Variants in RTTN observed in about 807,000 individuals in gnomAD.
RTTN encodes rotatin.
Under a neutral mutation model 269.2 loss-of-function variants are expected in RTTN, and 182 were observed. The observed-to-expected ratio is 0.68, with a 90% CI of 0.60 to 0.76. The LOEUF (loss-of-function observed/expected upper bound fraction) is 0.76, where lower values mean the gene tolerates loss of function less well. Ranked by LOEUF, RTTN falls within the 30% of genes least tolerant of loss-of-function variation. The probability of loss-of-function intolerance (pLI) is 0.00; values close to 1 mark genes in which losing one functional copy is unlikely to be tolerated. For missense variants in RTTN, 2,545 were observed against 2,608.6 expected, an observed-to-expected ratio of 0.98 and a Z score of 0.53; for synonymous variants, 1,006 against 963.5, an observed-to-expected ratio of 1.04 and a Z score of -0.82.
chr18:70,087,719 T>C (rs2058737636), intron 31 of RTTN, among the ~76,000 whole-genome samples: 1 of 152,190 alleles, frequency 6.6e-6, no homozygotes, highest in African/African-American at 2.4e-5. Context: ...AAAAGTAATT[T>C]TTCCTGTGAA....
rs147203267 is a variant in RTTN, at chr18:70,028,839, A to G, written c.5746-38T>C. On this transcript the variant is annotated intron_variant, in intron 42 of 48. Coordinates refer to ENST00000640769, the MANE Select transcript of RTTN (RefSeq NM_173630.4). ...AAAGCAGTTGAAAACTGTGAATGCA[A>G]CAGCATACTTCACTTTTTGTGTATA... 175 of 1,386,340 alleles carry G rather than the reference A, an allele frequency of 1.3e-4. No individual in the cohort carries two copies. The African/African-American group carries it at 2.3e-3, about 18-fold the overall frequency. The allele number at this position is 1,386,340 out of a possible 1,614,324, so 85.9% of individuals were successfully genotyped here. A position where few individuals can be genotyped will look rare whatever the true frequency, so the allele number is the denominator to read the frequency against.
At position 70,114,512 on chromosome 18, in the gene RTTN, G is replaced by T; in HGVS notation, c.3616C>A (p.Gln1206Lys). Residue 1206 changes from glutamine (Q) to lysine (K), a missense_variant, in exon 27 of 49, where the codon CAA (glutamine) becomes AAA (lysine). Coordinates refer to ENST00000640769, the MANE Select transcript of RTTN (RefSeq NM_173630.4). ...AGAGCAATCAGTTCTTTCTGAAGTT[G>T]TTGCCTGACAGCAGTCCGGATATCA... is the stretch of plus-strand genomic sequence containing the variant. The part of the protein sequence containing the change: ...TDDIRTAVRQ[Q>K]LQKELIALFD... 1 of 1,613,668 alleles carries T rather than the reference G, an allele frequency of 6.2e-7. No homozygotes were observed. Among genetic ancestry groups the T allele is most frequent in the Non-Finnish European group, 8.5e-7 (1 of 1,179,640 alleles).
At chr18:70,192,223 G>A (rs1313390968) in intron 8 of RTTN, among the ~76,000 whole-genome samples, 1 of 152,146 alleles carries the variant, frequency 6.6e-6, no homozygotes, top group Admixed American at 6.5e-5. Context: ...AGTATTGCAA[G>A]AAAATAATTA....
chr18:70,156,832 G>T (rs767595398), intron 14 of RTTN, among the ~76,000 whole-genome samples: 1 of 152,104 alleles, frequency 6.6e-6, no homozygotes, highest in Non-Finnish European at 1.5e-5. Flanking sequence ...CCTCTAGGTG[G>T]CTTTAGCCTT....
At chr18:70,009,932 C>G (rs2056318135) in intron 46 of RTTN, among the ~76,000 whole-genome samples, 1 of 151,892 alleles carries the variant, frequency 6.6e-6, no homozygotes, top group South Asian at 2.1e-4. Flanking sequence ...GCAGAGGTGG[C>G]AATCTTAGCC....
chr18:70,113,778 A>T (rs1224839959), intron 27 of RTTN, among the ~76,000 whole-genome samples: 3 of 152,210 alleles, frequency 2.0e-5, no homozygotes, highest in African/African-American at 7.2e-5. Context: ...TAAGTGAAGA[A>T]GCTAGACGCT....
intron 44 of RTTN, among the ~76,000 whole-genome samples, chr18:70,022,292 T>C (rs544762789): frequency 6.6e-5 from 10 of 152,144 alleles, no homozygotes; most frequent in Admixed American, 5.9e-4. Flanking sequence ...AATTTTCTCA[T>C]CATTCCCATC....
intron 28 of RTTN, among the ~76,000 whole-genome samples, chr18:70,106,085 T>C (rs1392083465): frequency 6.6e-6 from 1 of 152,194 alleles, no homozygotes; most frequent in African/African-American, 2.4e-5. Context: ...CAGTGGCTCA[T>C]GCCTGTAATA....
intron 9 of RTTN, among the ~76,000 whole-genome samples, chr18:70,188,727 T>C (rs2061603093): frequency 6.6e-6 from 1 of 152,178 alleles, no homozygotes; most frequent in Non-Finnish European, 1.5e-5. Flanking sequence ...AAAGAAACTA[T>C]TTGTACTCAC....
At chr18:70,184,684 C>T (rs1599961357) in intron 10 of RTTN, among the ~76,000 whole-genome samples, 1 of 139,690 alleles carries the variant, frequency 7.2e-6, no homozygotes, top group South Asian at 2.3e-4. Flanking sequence ...CAACTCAATT[C>T]CATTCAAAAC....
At chr18:70,092,493 A>G (rs561435939) in intron 29 of RTTN, among the ~76,000 whole-genome samples, 183 bp downstream of exon 29, 1 of 152,338 alleles carries the variant, frequency 6.6e-6, no homozygotes, top group East Asian at 1.9e-4. Flanking sequence ...TTCAAATAAG[A>G]TTCAGATTTG....
At chr18:70,051,602 C>G in intron 38 of RTTN, 54 bp from the exon 39 acceptor site, 1 of 1,389,932 alleles carries the variant, frequency 7.2e-7, no homozygotes, top group Non-Finnish European at 9.8e-7. Flanking sequence ...GGAAAAGAAC[C>G]TTTCAAGATA....
In RTTN at chr18:70,069,154, TA is replaced by T. The variant is rs749769588; in HGVS notation, c.4654-3233del. Among the ~76,000 whole-genome samples the T allele has an allele frequency of 4.2e-4, 64 of 152,214 alleles. No individual in the cohort carries two copies. The East Asian group carries it at 9.5e-3, about 22-fold the overall frequency. ...GCATGGTGAATATGGTTAATATGGTTAATAACACTGCACAGTCTACTTGAAA... is the reference window on the plus strand; with the variant it reads ...GCATGGTGAATATGGTTAATATGGTTATAACACTGCACAGTCTACTTGAAA... On this transcript the variant is annotated intron_variant, in intron 34 of 48. Transcript: ENST00000640769.
chr18:70,057,055 TGC>T (rs1271510985), intron 37 of RTTN, among the ~76,000 whole-genome samples: 1 of 152,230 alleles, frequency 6.6e-6, no homozygotes, highest in Non-Finnish European at 1.5e-5. Context: ...TCAAAGACCA[TGC>T]GTGTAGCATT....
rs1748487276 is a variant in RTTN, at chr18:70,148,911, T to C, written c.2299A>G (p.Lys767Glu). The change falls in exon 17 of 49, where the codon AAA (lysine) becomes GAA (glutamate). Residue 767 changes from lysine (K) to glutamate (E), a missense_variant. Lys to Glu is a moderately conservative substitution (Grantham distance 56). Transcript: ENST00000640769. ...LKSMLRLLLVKKPSVRSLALK... is the reference protein window; with the variant it reads ...LKSMLRLLLVEKPSVRSLALK... The stretch of plus-strand genomic sequence containing the variant: ...TTACGTTGTACTCACGATGGCTTTT[T>C]CACTAGCAAAAGTCGCAGCATGGAC... The C allele has an allele frequency of 1.2e-6, 2 of 1,613,362 alleles. No individual in the cohort carries two copies. The highest frequency in any genetic ancestry group is 8.5e-7 in the Non-Finnish European group (1 of 1,179,544).
At chr18:70,099,966 C>A (rs955796784) in intron 28 of RTTN, among the ~76,000 whole-genome samples, 2 of 152,206 alleles carry the variant, frequency 1.3e-5, no homozygotes, top group Non-Finnish European at 2.9e-5. Context: ...CAGTACCATG[C>A]TGTTTTGGTT....
chr18:70,014,577 C>A (rs2056484506), intron 46 of RTTN, among the ~76,000 whole-genome samples: 1 of 152,172 alleles, frequency 6.6e-6, no homozygotes, highest in Non-Finnish European at 1.5e-5. Flanking sequence ...TACCCACAGG[C>A]ACCATCAATC....
rs775033795 is a variant in RTTN, at chr18:70,073,997, GCAA to G, written c.4565-6_4565-4del. 1,175 of 1,603,228 alleles carry G rather than the reference GCAA, an allele frequency of 7.3e-4. 2 individuals are homozygous for G. The highest frequency in any genetic ancestry group is 9.4e-4 in the Non-Finnish European group (1,098 of 1,171,054). The stretch of plus-strand genomic sequence containing the variant: ...AAACTTGAATGAGTCATCTAAACCT[GCAA>G]CAACGAGAAAATTGTTAACATGGAC... On this transcript the variant is annotated splice_region_variant and splice_polypyrimidine_tract_variant and intron_variant, in intron 33 of 48. Coordinates refer to ENST00000640769, the MANE Select transcript of RTTN (RefSeq NM_173630.4).
At chr18:70,013,958 T>C (rs1480240088) in intron 46 of RTTN, among the ~76,000 whole-genome samples, 1 of 152,232 alleles carries the variant, frequency 6.6e-6, no homozygotes. Flanking sequence ...TGCTGCATTC[T>C]GGATAATATT....
Sources: allele counts gnomAD v4.1 joint callset (sites outside exome capture counted in the v4.1 genomes callset), GRCh38; gene constraint gnomAD v4.1.1; transcripts MANE v1.5; gene names NCBI Gene and HGNC (gene_info 2026-07-23, HGNC 2026-07-21).